Variants in ABTB3 observed in about 807,000 individuals in gnomAD.
ABTB3 encodes ankyrin repeat and BTB domain containing 3.
At chr12:107,364,791 G>A in the ABTB3 span, among the ~76,000 whole-genome samples, 1 of 152,174 alleles carries the variant, frequency 6.6e-6, no homozygotes, top group South Asian at 2.1e-4. Flanking sequence ...AGCCTGCATG[G>A]CATGCAGTAC....
At chr12:107,338,329 G>A in the ABTB3 span, among the ~76,000 whole-genome samples, 7 of 152,242 alleles carry the variant, frequency 4.6e-5, no homozygotes, top group African/African-American at 1.2e-4. Flanking sequence ...AATTTACAGC[G>A]TCTTGTTAAT....
At chr12:107,591,660 G>A in the ABTB3 span, among the ~76,000 whole-genome samples, 1 of 152,144 alleles carries the variant, frequency 6.6e-6, no homozygotes. Context: ...TACCTGTGGG[G>A]GAAACTGAGG....
At chr12:107,553,720 C>T in the ABTB3 span, among the ~76,000 whole-genome samples, 46 of 152,280 alleles carry the variant, frequency 3.0e-4, no homozygotes, top group Admixed American at 1.3e-4. Context: ...AGGCAGATCA[C>T]TTGAGGGCAG....
the ABTB3 span, among the ~76,000 whole-genome samples, chr12:107,656,054 G>A: frequency 1.3e-5 from 2 of 151,752 alleles, no homozygotes; most frequent in Non-Finnish European, 2.9e-5. Context: ...TTGGGAGGCT[G>A]AGGTGGGAGG....
At chr12:107,640,909 T>C in the ABTB3 span, among the ~76,000 whole-genome samples, 1 of 152,210 alleles carries the variant, frequency 6.6e-6, no homozygotes, top group African/African-American at 2.4e-5. Flanking sequence ...GAGATTGGGT[T>C]GACAGTTTAG....
At chr12:107,608,384 G>A in the ABTB3 span, among the ~76,000 whole-genome samples, 1 of 152,146 alleles carries the variant, frequency 6.6e-6, no homozygotes, top group Non-Finnish European at 1.5e-5. Context: ...TAAGGATAAA[G>A]TTTGAAGCCT....
chr12:107,489,008 G>T, the ABTB3 span, among the ~76,000 whole-genome samples: 1 of 152,076 alleles, frequency 6.6e-6, no homozygotes, highest in Non-Finnish European at 1.5e-5. Flanking sequence ...TCACAAAGAT[G>T]ACCAAAAAGG....
At chr12:107,618,468 C>T in the ABTB3 span, 3 of 1,137,468 alleles carry the variant, frequency 2.6e-6, no homozygotes, top group Non-Finnish European at 3.7e-6. Context: ...CGCACACATA[C>T]ACATGCAAAA....
chr12:107,611,201 C>T, the ABTB3 span, among the ~76,000 whole-genome samples: 1 of 152,090 alleles, frequency 6.6e-6, no homozygotes, highest in Non-Finnish European at 1.5e-5. Context: ...AGTTACTTTG[C>T]AATATTGTTG....
At chr12:107,415,733 C>CA in the ABTB3 span, among the ~76,000 whole-genome samples, 3 of 149,062 alleles carry the variant, frequency 2.0e-5, no homozygotes, top group African/African-American at 2.5e-5. Context: ...AACAAAAAAA[C>CA]AAAAAAACAA....
the ABTB3 span, among the ~76,000 whole-genome samples, chr12:107,408,760 T>C: frequency 2.0e-5 from 3 of 152,192 alleles, no homozygotes; most frequent in African/African-American, 7.2e-5. Context: ...TCAGGCAGTC[T>C]GGGGTTCAAA....
the ABTB3 span, among the ~76,000 whole-genome samples, chr12:107,444,283 A>G: frequency 6.6e-6 from 1 of 152,164 alleles, no homozygotes; most frequent in Non-Finnish European, 1.5e-5. Flanking sequence ...TAAACTGTAC[A>G]TTGGCATATA....
chr12:107,459,477 A>C, the ABTB3 span, among the ~76,000 whole-genome samples: 1 of 152,144 alleles, frequency 6.6e-6, no homozygotes, highest in Non-Finnish European at 1.5e-5. Flanking sequence ...ATTCAAACCT[A>C]TAGGAGGTTA....
At chr12:107,386,891 G>GTGTA in the ABTB3 span, among the ~76,000 whole-genome samples, 2 of 70,584 alleles carry the variant, frequency 2.8e-5, no homozygotes, top group African/African-American at 1.7e-4. Flanking sequence ...GAAATGGAAA[G>GTGTA]TGTGTGTGTG....
At chr12:107,505,663 T>C in the ABTB3 span, among the ~76,000 whole-genome samples, 6 of 152,282 alleles carry the variant, frequency 3.9e-5, no homozygotes, top group South Asian at 2.1e-4. Context: ...TTAGTTCTTT[T>C]TCCTGAGCCT....
At chr12:107,602,881 A>G in the ABTB3 span, among the ~76,000 whole-genome samples, 1 of 152,090 alleles carries the variant, frequency 6.6e-6, no homozygotes. Context: ...ACATCCTTCT[A>G]AAGTCATGTC....
chr12:107,581,216 C>G, the ABTB3 span: 1 of 1,535,186 alleles, frequency 6.5e-7, no homozygotes, highest in African/African-American at 1.4e-5. Context: ...CGCCGGCCAC[C>G]GCCGCAGCTT....
At chr12:107,615,146 A>T in the ABTB3 span, 5 of 1,613,024 alleles carry the variant, frequency 3.1e-6, no homozygotes, top group Non-Finnish European at 4.2e-6. Context: ...TTGCATGGAC[A>T]TATTCCTGTA....
At chr12:107,426,169 C>T in the ABTB3 span, among the ~76,000 whole-genome samples, 1 of 152,180 alleles carries the variant, frequency 6.6e-6, no homozygotes, top group Non-Finnish European at 1.5e-5. Context: ...ATCAGCACTT[C>T]ACAGCGGTGC....
Sources: allele counts gnomAD v4.1 joint callset (sites outside exome capture counted in the v4.1 genomes callset), GRCh38; gene constraint gnomAD v4.1.1; transcripts MANE v1.5; gene names NCBI Gene and HGNC (gene_info 2026-07-23, HGNC 2026-07-21).